CORO7: variants seen among roughly 807,000 people sequenced by gnomAD.
The protein encoded by CORO7 is coronin-7.
In CORO7, 107 loss-of-function variants were observed where a neutral mutation model predicts 126.6. The ratio of observed to expected loss-of-function variants is 0.85; its 90% CI spans 0.72 to 0.99. The LOEUF (loss-of-function observed/expected upper bound fraction) is 0.99, where lower values mean the gene tolerates loss of function less well. Among genes scored for constraint, CORO7 ranks in the 50% least tolerant of loss-of-function variants. CORO7 has a pLI of 0.00. For synonymous variants in CORO7, 603 were observed against 536.8 expected (o/e 1.12, Z -1.70); for missense variants, 1,314 against 1,255.8 (o/e 1.05, Z -0.70).
chr16:4,355,069 A>C lies in CORO7; in HGVS notation c.*89T>G. 1 of 1,386,014 alleles carries C rather than the reference A, an allele frequency of 7.2e-7. No individual in the cohort carries two copies. The highest frequency in any genetic ancestry group is 9.5e-7 in the Non-Finnish European group (1 of 1,047,618). 85.9% of individuals were successfully genotyped at this position (1,386,014 alleles called of 1,614,324 possible). On this transcript the variant is annotated 3_prime_UTR_variant, in exon 28 of 28. Coordinates refer to ENST00000251166, the MANE Select transcript of CORO7 (RefSeq NM_024535.5). ...TGCAGGGGTGACATGTGCCGGGGCC[A>C]GAGAGGTATCTTCCAGCTTGAGGAT...
At chr16:4,401,341 A>T (rs2055798598) in intron 6 of CORO7, among the ~76,000 whole-genome samples, 1 of 152,228 alleles carries the variant, frequency 6.6e-6, no homozygotes, top group Non-Finnish European at 1.5e-5. Context: ...CATGGCTGGC[A>T]GAGGCGGGGG....
intron 1 of CORO7, 24 bp downstream of exon 1, chr16:4,416,435 G>A (rs1255978626): frequency 1.3e-6 from 2 of 1,554,984 alleles, no homozygotes; most frequent in East Asian, 5.2e-5. Flanking sequence ...AGGCGACAGC[G>A]CCCGGTCCTC....
intron 6 of CORO7, chr16:4,397,184 T>A (rs192766987): frequency 6.6e-6 from 1 of 152,016 alleles, no homozygotes; most frequent in African/African-American, 2.4e-5. Context: ...TGGTTCATGC[T>A]GGTAATCCCA....
chr16:4,360,264 G>A lies in CORO7; in HGVS notation c.2108+14C>T. 1 of 1,613,376 alleles carries A rather than the reference G, an allele frequency of 6.2e-7. No individual in the cohort carries two copies. Among genetic ancestry groups the A allele is most frequent in the Non-Finnish European group, 8.5e-7 (1 of 1,179,956 alleles). On this transcript the variant is annotated intron_variant, in intron 21 of 27. Transcript: ENST00000251166. ...GCTTCTGAAGCCTGGGGATGGGGAT[G>A]CCTGAGTCCTCACCTGTCAAAGCCA...
Position 4,362,318 on chromosome 16 carries a change from A to G in CORO7, c.1403-158T>C, listed in dbSNP as rs1346488865. Among the ~76,000 whole-genome samples the G allele has an allele frequency of 6.6e-6, 1 of 152,126 alleles. No homozygotes were observed. Among genetic ancestry groups the G allele is most frequent in the Non-Finnish European group, 1.5e-5 (1 of 68,014 alleles). On this transcript the variant is annotated intron_variant, in intron 15 of 27. Transcript: ENST00000251166. This position sits in a 1 kb window ranked among gnomAD's most constrained non-coding sequence, Gnocchi z 5.3. ...CTAATCCAGTGGATGCAACTCGCCC[A>G]GGAATAATGTCTGGAATGATATACC...
intron 6 of CORO7, among the ~76,000 whole-genome samples, chr16:4,402,084 G>A (rs2055831267): frequency 1.3e-5 from 2 of 151,918 alleles, no homozygotes; most frequent in African/African-American, 4.8e-5. Flanking sequence ...GATTACAGGT[G>A]CATGCCAACA....
At chr16:4,365,149 G>A (rs1339882580) in intron 10 of CORO7, 89 bp from the exon 11 acceptor site, 8 of 1,531,990 alleles carry the variant, frequency 5.2e-6, no homozygotes, top group Non-Finnish European at 7.0e-6. Flanking sequence ...AGGTCCCCAA[G>A]GACCTGAGCC....
chr16:4,378,967 C>T (rs560327221), intron 9 of CORO7, among the ~76,000 whole-genome samples: 8 of 152,182 alleles, frequency 5.3e-5, no homozygotes, highest in South Asian at 4.1e-4. Context: ...GGCCCAACCC[C>T]GGGGACAAGG....
intron 5 of CORO7, among the ~76,000 whole-genome samples, chr16:4,406,758 G>C (rs1009217776): frequency 4.3e-4 from 65 of 151,746 alleles, no homozygotes; most frequent in Non-Finnish European, 8.5e-4. Flanking sequence ...TCCTGCCTCA[G>C]CCTCCTGAGT....
rs1295594317 is a variant in CORO7, at chr16:4,407,579, TG to T, written c.408del (p.Thr137ProfsTer7). ...DLPVEVLQFH[P>X]TSDGILVSAA... ...GCGCTCACCAGAATGCCGTCAGAGG[TG>T]GGGTGGAACTGCAGTACCTCCACTG... On this transcript the variant is annotated frameshift_variant, in exon 5 of 28. Transcript: ENST00000251166. LOFTEE classifies it high-confidence loss of function. The T allele has an allele frequency of 6.3e-7, 1 of 1,589,792 alleles. No homozygotes were observed. The highest frequency in any genetic ancestry group is 2.3e-5 in the East Asian group (1 of 43,644).
intron 6 of CORO7, among the ~76,000 whole-genome samples, chr16:4,396,539 G>A (rs1242072486): frequency 5.3e-5 from 8 of 152,150 alleles, no homozygotes; most frequent in Non-Finnish European, 8.8e-5. Flanking sequence ...CAAGTTTGCT[G>A]AGCAAGGAGA....
chr16:4,376,567 G>A (rs1413578230), intron 9 of CORO7, among the ~76,000 whole-genome samples: 5 of 152,140 alleles, frequency 3.3e-5, no homozygotes, highest in African/African-American at 7.2e-5. Context: ...AGATGTTCTC[G>A]CCAGGGGCTG....
chr16:4,358,083 G>A lies in CORO7; in HGVS notation c.2478C>T (p.Asp826=), dbSNP rs555588403. ...AGATCACAGCCGTGTCTGGGAACAC[G>A]TCATCCTGGAAGAACTCTTTCTGCA... ...PRVRKEFFQD[D]VFPDTAVIWE... Residue 826 remains aspartate (D), a synonymous_variant, in exon 25 of 28, where the codon GAC becomes GAT. Transcript: ENST00000251166. The A allele has an allele frequency of 1.6e-4, 257 of 1,612,478 alleles. No individual in the cohort carries two copies. The South Asian group carries it at 1.9e-3, about 12-fold the overall frequency.
In CORO7 at chr16:4,365,564, G is replaced by A. The variant is rs1238022535; in HGVS notation, c.786-19C>T. Reference sequence around the variant, plus strand: ...GAGACACCTGGGGAAGAGAGGGCAAGATGGCGGGTCAGGGCAGTGGGAGGG... The same window carrying A: ...GAGACACCTGGGGAAGAGAGGGCAAAATGGCGGGTCAGGGCAGTGGGAGGG... On this transcript the variant is annotated intron_variant, in intron 9 of 27. Coordinates refer to ENST00000251166, the MANE Select transcript of CORO7 (RefSeq NM_024535.5). 1.1e-5 allele frequency: 17 copies of A among 1,570,794 alleles called. No homozygotes were observed. Among genetic ancestry groups the A allele is most frequent in the African/African-American group, 1.4e-5 (1 of 73,740 alleles).
At chr16:4,363,374 G>A (rs992600045) in intron 14 of CORO7, 5 of 151,392 alleles carry the variant, frequency 3.3e-5, no homozygotes, top group African/African-American at 9.7e-5. Context: ...AGACCAGCCT[G>A]GCCAACATGG....
intron 7 of CORO7, among the ~76,000 whole-genome samples, chr16:4,394,604 C>A (rs2055518403): frequency 6.6e-6 from 1 of 152,246 alleles, no homozygotes; most frequent in Non-Finnish European, 1.5e-5. Flanking sequence ...GGCCTCTGCT[C>A]CCGGGCCAGT....
intron 9 of CORO7, among the ~76,000 whole-genome samples, chr16:4,374,302 C>T (rs891737186): frequency 6.6e-6 from 1 of 152,116 alleles, no homozygotes; most frequent in Non-Finnish European, 1.5e-5. Flanking sequence ...TTTCCCTCCG[C>T]GCTGGGCCGC....
chr16:4,358,530 T>C (rs752879085), intron 23 of CORO7, 47 bp from the exon 24 acceptor site: 4 of 1,527,318 alleles, frequency 2.6e-6, no homozygotes, highest in South Asian at 2.5e-5. Flanking sequence ...CTAGAGCTCA[T>C]GGCTGGGCAC....
intron 3 of CORO7, among the ~76,000 whole-genome samples, chr16:4,410,268 T>C (rs1778544752): frequency 1.3e-5 from 2 of 151,748 alleles, no homozygotes; most frequent in South Asian, 2.1e-4. Flanking sequence ...CCACAAAACA[T>C]AAAAAAATCA....
Sources: gnomAD v4.1 joint callset for allele counts (sites outside exome capture counted in the v4.1 genomes callset) on GRCh38, gnomAD v4.1.1 for gene constraint, Gnocchi (gnomAD v3.1) non-coding constraint, MANE v1.5 for transcripts, NCBI Gene and HGNC (gene_info 2026-07-23, HGNC 2026-07-21) for gene names.